The following ALOX5 variants were observed in gnomAD, a reference collection of about 807,000 sequenced individuals.
ALOX5 encodes the protein arachidonate 5-lipoxygenase, also known as polyunsaturated fatty acid 5-lipoxygenase.
ALOX5 carries 64 observed loss-of-function variants against 87.9 expected under a neutral mutation model. The observed-to-expected ratio is 0.73, with a 90% CI of 0.60 to 0.90. ALOX5 has a LOEUF of 0.90. Ranked by LOEUF, ALOX5 falls within the 40% of genes least tolerant of loss-of-function variation. The pLI is 0.00. For synonymous variants in ALOX5, 388 were observed against 355.1 expected, an observed-to-expected ratio of 1.09 and a Z score of -1.04; for missense variants, 822 against 907.5, an observed-to-expected ratio of 0.91 and a Z score of 1.21.
chr10:45,397,038 C>A (rs1840533310), intron 3 of ALOX5, among the ~76,000 whole-genome samples: 1 of 152,138 alleles, frequency 6.6e-6, no homozygotes, highest in South Asian at 2.1e-4. Context: ...TGATAAAACA[C>A]TCAAAAAATA....
intron 1 of ALOX5, among the ~76,000 whole-genome samples, chr10:45,377,611 C>G (rs1839667581): frequency 1.3e-5 from 2 of 152,114 alleles, no homozygotes; most frequent in African/African-American, 4.8e-5. Flanking sequence ...CCATAGCCTC[C>G]CCCTCTCTCA....
Position 45,424,122 on chromosome 10 carries a change from T to C in ALOX5, c.636T>C (p.Phe212=), listed in dbSNP as rs746223035. ...ACTTCGCCGACTTTGAGAAAATCTTTGTCAAGATCAGCAACACTATTTCTG... is the reference window on the plus strand; with the variant it reads ...ACTTCGCCGACTTTGAGAAAATCTTCGTCAAGATCAGCAACACTATTTCTG... ...WNDFADFEKI[F]VKISNTISER... is the part of the protein sequence containing the mutation. Residue 212 remains phenylalanine, a synonymous_variant, in exon 5 of 14, where the codon TTT becomes TTC. Transcript: ENST00000374391. 1.2e-6 allele frequency: 2 copies of C among 1,614,118 alleles called. No individual in the cohort carries two copies. Among genetic ancestry groups the C allele is most frequent in the East Asian group, 2.2e-5 (1 of 44,882 alleles).
chr10:45,440,314 A>G, intron 7 of ALOX5, 116 bp from the exon 8 acceptor site: 1 of 1,150,634 alleles, frequency 8.7e-7, no homozygotes, highest in Non-Finnish European at 1.3e-6. Context: ...TCTGATTCCA[A>G]AGTCACTGTT....
At chr10:45,375,720 G>A (rs1282216694) in intron 1 of ALOX5, among the ~76,000 whole-genome samples, 1 of 152,154 alleles carries the variant, frequency 6.6e-6, no homozygotes, top group Non-Finnish European at 1.5e-5. Flanking sequence ...CCATACCCTC[G>A]CTGTAGCACG....
intron 13 of ALOX5, 60 bp downstream of exon 13, chr10:45,444,346 C>T (rs1172358004): frequency 1.1e-5 from 17 of 1,483,600 alleles, no homozygotes; most frequent in Admixed American, 2.3e-5. Flanking sequence ...GGTTCCTCAG[C>T]CTCAGGGCTT....
In ALOX5 at chr10:45,391,612, G is replaced by A. The variant is rs185092343; in HGVS notation, c.350-4243G>A. ...CTGCCCAGTCTGGAAAGTGAGGAGC[G>A]TCTCTGCCCGGCCGCCATCCTGTCT... is the stretch of plus-strand genomic sequence containing the variant. On this transcript the variant is annotated intron_variant, in intron 2 of 13. Coordinates refer to ENST00000374391, the MANE Select transcript of ALOX5 (RefSeq NM_000698.5). 1.5e-3 allele frequency among the ~76,000 whole-genome samples: 221 copies of A among 151,900 alleles called. 1 individual carries two copies. Among genetic ancestry groups the A allele is most frequent in the South Asian group, 3.5e-3 (17 of 4,796 alleles).
intron 2 of ALOX5, among the ~76,000 whole-genome samples, chr10:45,384,571 C>T (rs557570628): frequency 6.6e-6 from 1 of 152,186 alleles, no homozygotes; most frequent in Non-Finnish European, 1.5e-5. Context: ...GAGTCTCATT[C>T]TTTAAGGCTT....
At chr10:45,399,611 A>G (rs1840628117) in intron 3 of ALOX5, among the ~76,000 whole-genome samples, 1 of 152,222 alleles carries the variant, frequency 6.6e-6, no homozygotes, top group Admixed American at 6.5e-5. Context: ...TGGCACCAAG[A>G]GCACAGGCAG....
intron 2 of ALOX5, 144 bp downstream of exon 2, chr10:45,382,825 C>A: frequency 2.1e-6 from 2 of 971,316 alleles, no homozygotes; most frequent in Non-Finnish European, 3.0e-6. Flanking sequence ...CTCGACACAC[C>A]TGCAGGAGGC....
chr10:45,396,775 C>A (rs1037844861), intron 3 of ALOX5, among the ~76,000 whole-genome samples: 2 of 152,150 alleles, frequency 1.3e-5, no homozygotes, highest in African/African-American at 4.8e-5. Context: ...AACTATAAAC[C>A]AATATCCCTT....
At chr10:45,406,905 C>T (rs925132872) in intron 3 of ALOX5, among the ~76,000 whole-genome samples, 4 of 152,148 alleles carry the variant, frequency 2.6e-5, no homozygotes, top group Admixed American at 2.6e-4. Context: ...TAGTGATGAA[C>T]ATCCCTCTCA....
At chr10:45,396,916 C>A (rs1339441197) in intron 3 of ALOX5, among the ~76,000 whole-genome samples, 1 of 152,176 alleles carries the variant, frequency 6.6e-6, no homozygotes, top group Non-Finnish European at 1.5e-5. Flanking sequence ...ATCCAAAAAT[C>A]AATTAATTGA....
chr10:45,374,869 A>G (rs1839540732), intron 1 of ALOX5, among the ~76,000 whole-genome samples: 1 of 152,118 alleles, frequency 6.6e-6, no homozygotes, highest in Admixed American at 6.5e-5. Flanking sequence ...AGTCATGCTC[A>G]CAGAACTCTG....
intron 3 of ALOX5, among the ~76,000 whole-genome samples, chr10:45,406,604 T>A (rs867382410): frequency 5.9e-5 from 9 of 152,360 alleles, no homozygotes; most frequent in African/African-American, 1.7e-4. Context: ...TTCTAGCTAC[T>A]CTACATTTAG....
At chr10:45,404,032 A>G (rs924611362) in intron 3 of ALOX5, among the ~76,000 whole-genome samples, 1 of 152,216 alleles carries the variant, frequency 6.6e-6, no homozygotes, top group African/African-American at 2.4e-5. Flanking sequence ...TGGGGCTCTA[A>G]TTAGACTTTG....
At chr10:45,415,553 A>G (rs1589022253) in intron 4 of ALOX5, among the ~76,000 whole-genome samples, 2 of 150,146 alleles carry the variant, frequency 1.3e-5, no homozygotes, top group African/African-American at 4.9e-5. Context: ...CGTTGTGCAC[A>G]TGTATCCTAG....
chr10:45,413,110 G>A lies in ALOX5; in HGVS notation c.554+797G>A, dbSNP rs1013749512. Among the ~76,000 whole-genome samples the A allele has an allele frequency of 4.6e-5, 7 of 152,156 alleles. No homozygotes were observed. In the South Asian group the frequency reaches 8.3e-4, roughly 18 times the overall value. On this transcript the variant is annotated intron_variant, in intron 4 of 13. Coordinates refer to ENST00000374391, the MANE Select transcript of ALOX5 (RefSeq NM_000698.5). The stretch of plus-strand genomic sequence containing the variant: ...CATTATATGAGGCCAGCATCATCCC[G>A]ATACCAAAGCCTGGCAGACACACAA...
chr10:45,413,427 T>C (rs1162381050), intron 4 of ALOX5, among the ~76,000 whole-genome samples: 1 of 152,214 alleles, frequency 6.6e-6, no homozygotes, highest in Non-Finnish European at 1.5e-5. Context: ...AAATTAGGTA[T>C]TGATGGGATG....
At chr10:45,391,611 C>T (rs1254898447) in intron 2 of ALOX5, among the ~76,000 whole-genome samples, 45 of 150,784 alleles carry the variant, frequency 3.0e-4, no homozygotes, top group African/African-American at 9.3e-4. Flanking sequence ...AAGTGAGGAG[C>T]GTCTCTGCCC....
Sources: gnomAD v4.1 joint callset for allele counts (sites outside exome capture counted in the v4.1 genomes callset) on GRCh38, gnomAD v4.1.1 for gene constraint, MANE v1.5 for transcripts, NCBI Gene and HGNC (gene_info 2026-07-23, HGNC 2026-07-21) for gene names.